GALNT13: variants seen among roughly 807,000 people sequenced by gnomAD.
GALNT13 encodes the protein polypeptide N-acetylgalactosaminyltransferase 13, also known as UDP-GalNAc:polypeptide N-acetylgalactosaminyltransferase 13.
GALNT13 carries 28 observed loss-of-function variants against 64.2 expected under a neutral mutation model. That is an observed-to-expected ratio of 0.44 (90% CI 0.32 to 0.60). The LOEUF (loss-of-function observed/expected upper bound fraction) is 0.60, where lower values mean the gene tolerates loss of function less well. Among genes scored for constraint, GALNT13 ranks in the 20% least tolerant of loss-of-function variants. The pLI, the probability that GALNT13 is intolerant of heterozygous loss-of-function variation, is 0.05. For synonymous variants in GALNT13, 214 were observed against 224.6 expected, an observed-to-expected ratio of 0.95 and a Z score of 0.42; for missense variants, 577 against 669.8, an observed-to-expected ratio of 0.86 and a Z score of 1.53.
chr2:153,752,883 A>G, the GALNT13 span, among the ~76,000 whole-genome samples: 1 of 151,918 alleles, frequency 6.6e-6, no homozygotes, highest in Non-Finnish European at 1.5e-5. Flanking sequence ...TAACTCTTAG[A>G]TTTGCCTTTT....
chr2:153,661,419 G>T, the GALNT13 span, among the ~76,000 whole-genome samples: 1 of 152,100 alleles, frequency 6.6e-6, no homozygotes, highest in Admixed American at 6.6e-5. Flanking sequence ...TAAATGTCTA[G>T]ATTCACACCT....
At chr2:153,333,594 CA>C in the GALNT13 span, among the ~76,000 whole-genome samples, 4 of 152,104 alleles carry the variant, frequency 2.6e-5, no homozygotes, top group African/African-American at 9.7e-5. Context: ...ACTGTCTTAT[CA>C]AGTTTTAAAC....
intron 4 of GALNT13, among the ~76,000 whole-genome samples, chr2:154,160,528 TC>T (rs1684670410): frequency 6.6e-6 from 1 of 152,108 alleles, no homozygotes; most frequent in African/African-American, 2.4e-5. Flanking sequence ...GCCCTTATAA[TC>T]TTTTTCAAGA....
the GALNT13 span, among the ~76,000 whole-genome samples, chr2:153,418,391 T>A: frequency 6.6e-6 from 1 of 152,160 alleles, no homozygotes; most frequent in African/African-American, 2.4e-5. Flanking sequence ...TTTAAACCAC[T>A]AAGTTTGTTG....
At chr2:153,813,246 C>T in the GALNT13 span, among the ~76,000 whole-genome samples, 1 of 152,000 alleles carries the variant, frequency 6.6e-6, no homozygotes, top group African/African-American at 2.4e-5. Flanking sequence ...GAAGAGTGAA[C>T]GAGTACGACA....
intron 4 of GALNT13, among the ~76,000 whole-genome samples, chr2:154,174,276 G>A (rs1053481945): frequency 2.0e-5 from 3 of 152,078 alleles, no homozygotes; most frequent in Non-Finnish European, 4.4e-5. Flanking sequence ...TGGTATTCCT[G>A]TTAAGGGAAA....
intron 3 of GALNT13, among the ~76,000 whole-genome samples, chr2:154,020,072 G>T (rs1408449166): frequency 6.6e-6 from 1 of 152,104 alleles, no homozygotes; most frequent in Non-Finnish European, 1.5e-5. Context: ...TGGTATATAT[G>T]TGCCACATTT....
chr2:153,914,928 A>T (rs1008454464), intron 2 of GALNT13, among the ~76,000 whole-genome samples: 13 of 151,978 alleles, frequency 8.6e-5, no homozygotes, highest in Admixed American at 7.2e-4. Context: ...GGGTGCCTGG[A>T]TCCTGTTCTC....
rs35266639 is a variant in GALNT13 at position 153,999,270 on chromosome 2, C to CTTT, written c.142+54644_142+54646dup. On this transcript the variant is annotated intron_variant, in intron 3 of 12. Coordinates refer to ENST00000392825, the MANE Select transcript of GALNT13 (RefSeq NM_052917.4). ...ACACATCTACAACCATATGAACTTC[C>CTTT]TTTTTTTTTTTTTTTCCAATTTGAA... 9.9e-5 allele frequency among the ~76,000 whole-genome samples: 14 copies of CTTT among 141,390 alleles called. 1 individual carries two copies. The highest frequency in any genetic ancestry group is 2.6e-4 in the African/African-American group (10 of 38,380). The allele number at this position is 141,390 out of a possible 152,430, so 92.8% of individuals were successfully genotyped here.
chr2:153,454,485 C>T, the GALNT13 span, among the ~76,000 whole-genome samples: 1 of 152,088 alleles, frequency 6.6e-6, no homozygotes, highest in African/African-American at 2.4e-5. Context: ...CTTGGATGCT[C>T]CTTGGACAAC....
rs115886109 is a variant in GALNT13 at position 154,230,570 on chromosome 2, C to T, written c.312-11460C>T. Among the ~76,000 whole-genome samples the T allele has an allele frequency of 3.6e-3, 546 of 152,130 alleles. 5 individuals carry two copies. Among genetic ancestry groups the T allele is most frequent in the African/African-American group, 0.012 (492 of 41,520 alleles). On this transcript the variant is annotated intron_variant, in intron 4 of 12. Coordinates refer to ENST00000392825, the MANE Select transcript of GALNT13 (RefSeq NM_052917.4). Reference sequence around the variant, plus strand: ...CTGTAGGTTATCTCCCTCATTTTTACGTGCTAGATAAACAGGGTGTTTTAA... The same window carrying T: ...CTGTAGGTTATCTCCCTCATTTTTATGTGCTAGATAAACAGGGTGTTTTAA...
the GALNT13 span, among the ~76,000 whole-genome samples, chr2:153,204,407 G>GC: frequency 2.5e-4 from 38 of 152,296 alleles, 1 homozygote; most frequent in South Asian, 7.9e-3. Flanking sequence ...CACCAAATGG[G>GC]CCTTGTATAT....
chr2:154,043,455 T>TATACATACACACAC (rs1341373277), intron 3 of GALNT13, among the ~76,000 whole-genome samples: 2 of 105,020 alleles, frequency 1.9e-5, no homozygotes, highest in Admixed American at 9.9e-5. Flanking sequence ...TATATATATA[T>TATACATACACACAC]ACACACATGT....
the GALNT13 span, among the ~76,000 whole-genome samples, chr2:153,200,036 C>T: frequency 6.6e-6 from 1 of 152,068 alleles, no homozygotes; most frequent in Non-Finnish European, 1.5e-5. Flanking sequence ...GGGAGCCCCA[C>T]AAAAAACATA....
chr2:154,016,780 A>G (rs1240439402), intron 3 of GALNT13, among the ~76,000 whole-genome samples: 2 of 152,226 alleles, frequency 1.3e-5, no homozygotes, highest in African/African-American at 4.8e-5. Flanking sequence ...AACAACTAGA[A>G]AACTGAACAA....
the GALNT13 span, among the ~76,000 whole-genome samples, chr2:153,603,079 A>G: frequency 1.3e-5 from 2 of 151,864 alleles, no homozygotes; most frequent in South Asian, 4.1e-4. Flanking sequence ...CCATATATTT[A>G]CAAGGATATA....
chr2:154,347,000 A>G (rs958534197), intron 9 of GALNT13, among the ~76,000 whole-genome samples: 1 of 146,356 alleles, frequency 6.8e-6, no homozygotes, highest in African/African-American at 2.5e-5. Context: ...TTAATCTAAT[A>G]TCTAATTATT....
the GALNT13 span, among the ~76,000 whole-genome samples, chr2:153,573,743 C>A: frequency 2.0e-5 from 3 of 152,148 alleles, no homozygotes; most frequent in East Asian, 5.8e-4. Context: ...GCCTTAATTT[C>A]ATCCCCCCAC....
chr2:153,964,435 C>G (rs1473497466), intron 3 of GALNT13, among the ~76,000 whole-genome samples: 1 of 152,012 alleles, frequency 6.6e-6, no homozygotes, highest in African/African-American at 2.4e-5. Flanking sequence ...GGCTACAGAG[C>G]AAGACTCTGT....
Sources: gnomAD v4.1 joint callset for allele counts (sites outside exome capture counted in the v4.1 genomes callset) on GRCh38, gnomAD v4.1.1 for gene constraint, MANE v1.5 for transcripts, NCBI Gene and HGNC (gene_info 2026-07-23, HGNC 2026-07-21) for gene names.